The following WDR35 variants were observed in gnomAD, a reference collection of about 807,000 sequenced individuals.
WDR35 encodes the protein WD repeat domain 35, also known as WD repeat-containing protein 35.
WDR35 carries 118 observed loss-of-function variants against 158.3 expected under a neutral mutation model. That is an observed-to-expected ratio of 0.75 (90% confidence interval 0.64 to 0.87). The LOEUF (loss-of-function observed/expected upper bound fraction) is 0.87. WDR35 is among the 40% of genes least tolerant of loss of function. The pLI is 0.00. For synonymous variants in WDR35, 448 were observed against 476.1 expected, an observed-to-expected ratio of 0.94 and a Z score of 0.77; for missense variants, 1,263 against 1,405.8, an observed-to-expected ratio of 0.90 and a Z score of 1.62.
rs1384811375 is a variant in WDR35 at position 19,914,116 on chromosome 2, C to T, written c.3283G>A (p.Glu1095Lys). 1 of 1,614,040 alleles carries T rather than the reference C, an allele frequency of 6.2e-7. No individual in the cohort carries two copies. Among genetic ancestry groups the T allele is most frequent in the African/African-American group, 1.3e-5 (1 of 74,938 alleles). ...GTGAAGATTTCTAAAGCAAGGTCTT[C>T]ATACTGCTGTTTCTGTTCTGAACTG... ...TLSSEQKQQY[E>K]DLALEIFTKH... The change falls in exon 26 of 27, where the codon GAA becomes AAA. Residue 1095 changes from glutamate to lysine, a missense_variant. By Grantham distance (56) the Glu-to-Lys change is moderately conservative (BLOSUM62 1). Transcript: ENST00000281405.
At chr2:19,972,562 T>C (rs1231478464) in intron 8 of WDR35, among the ~76,000 whole-genome samples, 1 of 152,106 alleles carries the variant, frequency 6.6e-6, no homozygotes, top group Non-Finnish European at 1.5e-5. Flanking sequence ...ACTATGCTTT[T>C]TTTTTTCCTT....
At chr2:19,919,808 A>T (rs1670112060) in intron 25 of WDR35, among the ~76,000 whole-genome samples, 1 of 152,206 alleles carries the variant, frequency 6.6e-6, no homozygotes, top group Non-Finnish European at 1.5e-5. Context: ...TGGTTTTTTG[A>T]ATACAACAAC....
At chr2:19,920,816 T>C (rs1479582377) in intron 25 of WDR35, among the ~76,000 whole-genome samples, 1 of 152,202 alleles carries the variant, frequency 6.6e-6, no homozygotes, top group Non-Finnish European at 1.5e-5. Context: ...GACATGATTG[T>C]ATATTTAGAA....
chr2:19,937,837 T>G lies in WDR35; in HGVS notation c.2173A>C (p.Lys725Gln). Residue 725 changes from lysine to glutamine, a missense_variant, in exon 19 of 27, where the codon AAA (lysine) becomes CAA (glutamine). By Grantham distance (53) the Lys-to-Gln change is moderately conservative. Coordinates refer to ENST00000281405, the MANE Select transcript of WDR35 (RefSeq NM_020779.4). ...TGTTTCATTGACTCACTCAGTAGTT[T>G]GCCCAAGCGCTTCACAAACTTAATG... ...QGIKFVKRLGKLLSESMKQAE... is the reference protein window; with the variant it reads ...QGIKFVKRLGQLLSESMKQAE... 2 of 1,614,174 alleles carry G rather than the reference T, an allele frequency of 1.2e-6. No individual in the cohort carries two copies. The highest frequency in any genetic ancestry group is 1.7e-6 in the Non-Finnish European group (2 of 1,180,012).
chr2:19,985,490 C>T (rs1248864798), intron 2 of WDR35, among the ~76,000 whole-genome samples: 2 of 151,764 alleles, frequency 1.3e-5, no homozygotes, highest in African/African-American at 4.8e-5. Context: ...CCAGGACCAT[C>T]ATCCTCAAAC....
At chr2:19,919,897 A>T (rs1041982955) in intron 25 of WDR35, among the ~76,000 whole-genome samples, 1 of 152,200 alleles carries the variant, frequency 6.6e-6, no homozygotes, top group African/African-American at 2.4e-5. Flanking sequence ...GATAAAAGGG[A>T]TATCACCACC....
intron 25 of WDR35, among the ~76,000 whole-genome samples, chr2:19,929,029 G>C (rs1359578750): frequency 1.3e-5 from 2 of 151,936 alleles, no homozygotes; most frequent in African/African-American, 2.4e-5. Flanking sequence ...GGATGCTCTC[G>C]ATCTCCTGAC....
intron 2 of WDR35, among the ~76,000 whole-genome samples, chr2:19,985,703 G>T (rs550824291): frequency 4.0e-4 from 60 of 149,702 alleles, no homozygotes; most frequent in African/African-American, 1.4e-3. Flanking sequence ...GGCTAACACG[G>T]TGAAACCCCG....
At position 19,934,663 on chromosome 2, in the gene WDR35, T is replaced by G. The variant is rs10191437; in HGVS notation, c.2547+808A>C. On this transcript the variant is annotated intron_variant, in intron 21 of 26. Transcript: ENST00000281405. The surrounding 1 kb of genome is among the most constrained non-coding windows in gnomAD (Gnocchi z 4.6). ...CATCTAACAGACAACACTAACGGAG[T>G]ATACACTCTTCCCTATACCCAGGGT... Among the ~76,000 whole-genome samples, 69,506 of 151,834 alleles carry G rather than the reference T, an allele frequency of 0.46. 16,131 individuals are homozygous for G. Among genetic ancestry groups the G allele is most frequent in the East Asian group, 0.64 (3,298 of 5,164 alleles).
At chr2:19,952,239 T>G (rs142685463) in intron 12 of WDR35, among the ~76,000 whole-genome samples, 186 of 152,310 alleles carry the variant, frequency 1.2e-3, no homozygotes, top group African/African-American at 4.3e-3. Context: ...ATTATTTAGC[T>G]TCCACTGGTG....
intron 9 of WDR35, among the ~76,000 whole-genome samples, chr2:19,967,919 T>C (rs1007625367): frequency 6.6e-6 from 1 of 152,204 alleles, no homozygotes; most frequent in Admixed American, 6.5e-5. Context: ...GATTTCATTA[T>C]CTTTTCCAGA....
chr2:19,968,918 C>A (rs893569392), intron 9 of WDR35, among the ~76,000 whole-genome samples: 1 of 152,196 alleles, frequency 6.6e-6, no homozygotes, highest in East Asian at 1.9e-4. Flanking sequence ...TTTCTACGAA[C>A]TCCGTCACCT....
intron 16 of WDR35, 100 bp downstream of exon 16, chr2:19,945,683 ACTG>A (rs1290850589): frequency 2.4e-6 from 3 of 1,231,284 alleles, no homozygotes; most frequent in Non-Finnish European, 2.4e-6. Context: ...CCGTGTTGGC[ACTG>A]CTATTCAACA....
In WDR35 at chr2:19,941,706, A is replaced by C; in HGVS notation, c.1926+53T>G. On this transcript the variant is annotated intron_variant, in intron 17 of 26. Transcript: ENST00000281405. Reference sequence around the variant, plus strand: ...ACCAGGATACTACACCGCCTGGTCCAGAAATAATCCCCTGTCAAGCTAGCA... The same window carrying C: ...ACCAGGATACTACACCGCCTGGTCCCGAAATAATCCCCTGTCAAGCTAGCA... 4 of 1,344,102 alleles carry C rather than the reference A, an allele frequency of 3.0e-6. No individual in the cohort carries two copies. In the South Asian group the frequency reaches 5.0e-5, roughly 17 times the overall value. 83.3% of individuals were successfully genotyped at this position (1,344,102 alleles called of 1,614,324 possible). A position where few individuals can be genotyped will look rare whatever the true frequency, so the allele number is the denominator to read the frequency against.
At chr2:19,931,085 G>A (rs552973110) in intron 24 of WDR35, among the ~76,000 whole-genome samples, 184 bp downstream of exon 24, 47 of 152,150 alleles carry the variant, frequency 3.1e-4, no homozygotes, top group South Asian at 4.1e-4. Context: ...AATATTTCTA[G>A]GTAGAAATTT....
chr2:19,941,400 A>G (rs1434365828), intron 17 of WDR35, among the ~76,000 whole-genome samples: 1 of 152,290 alleles, frequency 6.6e-6, no homozygotes, highest in South Asian at 2.1e-4. Context: ...TATTACTACA[A>G]AAACAATGAC....
chr2:19,955,363 T>C (rs1475587668), intron 11 of WDR35, among the ~76,000 whole-genome samples: 1 of 152,232 alleles, frequency 6.6e-6, no homozygotes, highest in Non-Finnish European at 1.5e-5. Context: ...ATTGGAAATA[T>C]ATTCTCCTAA....
In WDR35 at chr2:19,980,702, A is replaced by G. The variant is rs1429637071; in HGVS notation, c.296T>C (p.Met99Thr). 6 of 1,613,152 alleles carry G rather than the reference A, an allele frequency of 3.7e-6. No homozygotes were observed. Among genetic ancestry groups the G allele is most frequent in the Non-Finnish European group, 5.1e-6 (6 of 1,179,310 alleles). Residue 99 changes from methionine (M) to threonine (T), a missense_variant, in exon 4 of 27, where the codon ATG becomes ACG. Coordinates refer to ENST00000281405, the MANE Select transcript of WDR35 (RefSeq NM_020779.4). Reference sequence around the variant, plus strand: ...CTAGTAAAGTATACCTTTATATAACATCCACACAATGATAAGCCCGTTTTC... The same window carrying G: ...CTAGTAAAGTATACCTTTATATAACGTCCACACAATGATAAGCCCGTTTTC... ...SDENGLIIVWMLYKGSWIEEM... is the reference protein window; with the variant it reads ...SDENGLIIVWTLYKGSWIEEM...
rs761719499 is a variant in WDR35, at chr2:19,953,837, T to C, written c.1397A>G (p.Glu466Gly). 14 of 1,613,978 alleles carry C rather than the reference T, an allele frequency of 8.7e-6. No homozygotes were observed. The highest frequency in any genetic ancestry group is 1.3e-5 in the African/African-American group (1 of 74,918). Residue 466 changes from glutamate (E) to glycine (G), a missense_variant, in exon 12 of 27, where the codon GAA (glutamate) becomes GGA (glycine). Transcript: ENST00000281405. ...AAGTATGTATCAAAAGATATACCTT[T>C]CTCTCCCTTCTTTTCGAGACCGTGT... ...QITRSRKEGRERIYHVDDTPS... is the reference protein window; with the variant it reads ...QITRSRKEGRGRIYHVDDTPS...
Sources: gnomAD v4.1 joint callset for allele counts (sites outside exome capture counted in the v4.1 genomes callset) on GRCh38, gnomAD v4.1.1 for gene constraint, Gnocchi (gnomAD v3.1) non-coding constraint, MANE v1.5 for transcripts, NCBI Gene and HGNC (gene_info 2026-07-23, HGNC 2026-07-21) for gene names.